ATRX: variants seen among roughly 807,000 people sequenced by gnomAD.
ATRX encodes the protein ATRX chromatin remodeler.
ATRX carries 12 observed loss-of-function variants against 172.6 expected under a neutral mutation model. The observed-to-expected ratio is 0.07, with a 90% CI of 0.04 to 0.11. The LOEUF (loss-of-function observed/expected upper bound fraction) is 0.11, where lower values mean the gene tolerates loss of function less well. Ranked by LOEUF, ATRX falls within the 10% of genes least tolerant of loss-of-function variation. ATRX has a pLI of 1.00. For missense variants in ATRX, 1,368 were observed against 1,767.4 expected (o/e 0.77, Z 4.05); for synonymous variants, 674 against 594.7 (o/e 1.13, Z -1.94).
intron 2 of ATRX, among the ~76,000 whole-genome samples, chrX:77,703,423 G>C (rs1169422491): frequency 8.9e-6 from 1 of 112,610 alleles, no homozygotes; most frequent in Non-Finnish European, 1.9e-5. Flanking sequence ...TGCCAGCATG[G>C]GCATCAGCTC....
At chrX:77,655,018 A>T (rs1290412824) in intron 13 of ATRX, among the ~76,000 whole-genome samples, 1 of 111,629 alleles carries the variant, frequency 9.0e-6, no homozygotes, top group African/African-American at 3.2e-5. Context: ...CATGATGCTA[A>T]GTGAAATAAG....
At chrX:77,766,506 G>A (rs1294672189) in intron 1 of ATRX, among the ~76,000 whole-genome samples, 1 of 106,455 alleles carries the variant, frequency 9.4e-6, no homozygotes, top group Admixed American at 9.9e-5. Flanking sequence ...TTCTCAGACG[G>A]GGCGGCCAGG....
chrX:77,643,059 A>C (rs1001827764), intron 15 of ATRX, among the ~76,000 whole-genome samples: 3 of 112,071 alleles, frequency 2.7e-5, no homozygotes, highest in African/African-American at 9.7e-5. Context: ...CAGAAGGTGA[A>C]GGTTTTAGTC....
At chrX:77,769,084 C>G (rs1227570683) in intron 1 of ATRX, among the ~76,000 whole-genome samples, 1 of 111,382 alleles carries the variant, frequency 9.0e-6, no homozygotes, top group East Asian at 2.8e-4. Flanking sequence ...GCAGTCCCAG[C>G]TACTCAAGAT....
At chrX:77,627,505 G>A (rs1408459173) in intron 19 of ATRX, among the ~76,000 whole-genome samples, 1 of 110,865 alleles carries the variant, frequency 9.0e-6, no homozygotes, top group Non-Finnish European at 1.9e-5. Flanking sequence ...GAGGCAGAAG[G>A]ATTGCTTGAG....
intron 19 of ATRX, among the ~76,000 whole-genome samples, chrX:77,627,147 G>A (rs2067898793): frequency 9.0e-6 from 1 of 111,300 alleles, no homozygotes; most frequent in African/African-American, 3.3e-5. Context: ...GCAGGAGAAT[G>A]GCGTGAACCC....
rs1000450421 is a variant in ATRX, at chrX:77,699,279, G to A, written c.134-650C>T. Among the ~76,000 whole-genome samples the A allele has an allele frequency of 2.5e-4, 28 of 110,472 alleles. No homozygotes were observed. The East Asian group carries it at 3.4e-3, about 13-fold the overall frequency. On this transcript the variant is annotated intron_variant, in intron 2 of 34. Transcript: ENST00000373344. ...CTCCCAGGTAGCTGGGACTACAGGC[G>A]CGCACCACCACACCTGGCTAATTTT...
chrX:77,659,346 T>C (rs1031084668), intron 12 of ATRX, among the ~76,000 whole-genome samples: 3 of 111,403 alleles, frequency 2.7e-5, no homozygotes, highest in African/African-American at 6.5e-5. Context: ...CTAGTATTAA[T>C]TGTTCACCCA....
At chrX:77,684,678 C>T (rs1557142890) in intron 8 of ATRX, 85 bp from the exon 9 acceptor site, 1 of 1,007,259 alleles carries the variant, frequency 9.9e-7, no homozygotes, top group Non-Finnish European at 1.4e-6. Flanking sequence ...AAACATTATT[C>T]CCAACAAAAC....
At chrX:77,770,490 C>T (rs1452332582) in intron 1 of ATRX, among the ~76,000 whole-genome samples, 1 of 111,729 alleles carries the variant, frequency 9.0e-6, no homozygotes, top group Non-Finnish European at 1.9e-5. Context: ...CAACCAATGT[C>T]ATGCATCTCC....
chrX:77,593,855 T>C lies in ATRX; in HGVS notation c.5957-6A>G, dbSNP rs781817248. 8.3e-6 allele frequency: 10 copies of C among 1,200,618 alleles called. No homozygotes were observed. Among genetic ancestry groups the C allele is most frequent in the Non-Finnish European group, 1.1e-5 (10 of 888,125 alleles). ...AGAAGAAGAAGTAGCTTTACCTAAA[T>C]AAGACAAATGGAACATAAGTAGGTA... On this transcript the variant is annotated splice_polypyrimidine_tract_variant and splice_region_variant and intron_variant, in intron 25 of 34. Coordinates refer to ENST00000373344, the MANE Select transcript of ATRX (RefSeq NM_000489.6).
intron 19 of ATRX, among the ~76,000 whole-genome samples, chrX:77,622,869 T>C (rs1159809946): frequency 9.1e-6 from 1 of 110,083 alleles, no homozygotes; most frequent in Non-Finnish European, 1.9e-5. Flanking sequence ...AATACAATAA[T>C]GACACAGCCT....
rs1434514176 is a variant in ATRX, at chrX:77,663,503, C to A, written c.3999G>T (p.Lys1333Asn). Residue 1333 changes from lysine (K) to asparagine (N), a missense_variant, in exon 12 of 35, where the codon AAG (lysine) becomes AAT (asparagine). Lys to Asn is a moderately conservative substitution (Grantham distance 94, BLOSUM62 0). This residue lies in a region of ATRX where 119 missense variants were observed against 131.3 expected (regional missense o/e 0.91). Transcript: ENST00000373344. ...GCAAAAGCCTATGTCTGTATCTTGG[C>A]TTCTTAGATTCTTCAGAATCTGAAT... Reference protein sequence around the residue: ...ESDSDSEESKKPRYRHRLLRH... With the variant: ...ESDSDSEESKNPRYRHRLLRH... 8.3e-7 allele frequency: 1 copy of A among 1,209,535 alleles called. No homozygotes were observed. The highest frequency in any genetic ancestry group is 1.1e-6 in the Non-Finnish European group (1 of 894,877).
intron 1 of ATRX, among the ~76,000 whole-genome samples, chrX:77,766,430 G>A (rs782511881): frequency 3.0e-4 from 33 of 109,810 alleles, no homozygotes; most frequent in African/African-American, 8.3e-4. Context: ...CAGACGGGGC[G>A]GCTGCCAGGC....
At position 77,740,496 on chromosome X, in the gene ATRX, A is replaced by C. The variant is rs1182410524; in HGVS notation, c.21-23253T>G. 3.6e-5 allele frequency among the ~76,000 whole-genome samples: 4 copies of C among 110,839 alleles called. 1 individual carries two copies. The Admixed American group carries it at 3.9e-4, about 11-fold the overall frequency. On this transcript the variant is annotated intron_variant, in intron 1 of 34. Transcript: ENST00000373344. The stretch of plus-strand genomic sequence containing the variant: ...GCCTTGAGCAGGAGGAGAGGAAAGA[A>C]ACTATATTCAAATATGCTCACACCA...
At chrX:77,627,741 C>T (rs974086364) in intron 19 of ATRX, among the ~76,000 whole-genome samples, 15 of 108,975 alleles carry the variant, frequency 1.4e-4, no homozygotes, top group African/African-American at 5.0e-4. Context: ...GCGGCACACT[C>T]CTGTAGTCTT....
intron 9 of ATRX, among the ~76,000 whole-genome samples, chrX:77,677,282 A>AT (rs782372436): frequency 2.2e-4 from 25 of 111,712 alleles, no homozygotes; most frequent in African/African-American, 7.8e-4. Context: ...TGCATCAAAG[A>AT]TTTTAAGGGT....
rs1387756528 is a variant in ATRX at position 77,570,105 on chromosome X, C to T, written c.6326+4145G>A. Among the ~76,000 whole-genome samples, 4 of 110,870 alleles carry T rather than the reference C, an allele frequency of 3.6e-5. No individual in the cohort carries two copies. The Admixed American group carries it at 3.8e-4, about 11-fold the overall frequency. The stretch of plus-strand genomic sequence containing the variant: ...ATAGAATAGCAAACTGAAAAACAGC[C>T]CAAAACAAGTATAGCCAACTGATTT... On this transcript the variant is annotated intron_variant, in intron 28 of 34. Transcript: ENST00000373344.
chrX:77,648,184 G>T (rs2069012596), intron 15 of ATRX, among the ~76,000 whole-genome samples: 1 of 111,847 alleles, frequency 8.9e-6, no homozygotes, highest in African/African-American at 3.2e-5. Context: ...AACAATTATA[G>T]TTGGAGACAT....
Sources: gnomAD v4.1 joint callset for allele counts (sites outside exome capture counted in the v4.1 genomes callset) on GRCh38, gnomAD v4.1.1 for gene constraint, gnomAD v4.1.1 regional missense constraint, MANE v1.5 for transcripts, NCBI Gene and HGNC (gene_info 2026-07-23, HGNC 2026-07-21) for gene names.